SGCZ: variants seen among roughly 807,000 people sequenced by gnomAD.
SGCZ encodes the protein sarcoglycan zeta, also known as zeta-sarcoglycan.
Under a neutral mutation model 41.3 loss-of-function variants are expected in SGCZ, and 40 were observed. The observed-to-expected ratio is 0.97, with a 90% CI of 0.75 to 1.26. The LOEUF (loss-of-function observed/expected upper bound fraction) is 1.26. Ranked by LOEUF, SGCZ falls within the 50% of genes most tolerant of loss-of-function variation. The pLI is 0.00. For missense variants in SGCZ, 552 were observed against 369.8 expected (o/e 1.49, Z -4.04); for synonymous variants, 206 against 137.5 (o/e 1.50, Z -3.49).
At chr8:14,631,733 C>G (rs1806661792) in intron 1 of SGCZ, among the ~76,000 whole-genome samples, 1 of 152,052 alleles carries the variant, frequency 6.6e-6, no homozygotes, top group Non-Finnish European at 1.5e-5. Flanking sequence ...AGTATTATCT[C>G]ATATAAACAA....
intron 4 of SGCZ, among the ~76,000 whole-genome samples, chr8:14,222,534 T>C (rs13256202): frequency 0.12 from 17,774 of 151,938 alleles, 1,458 homozygotes; most frequent in African/African-American, 0.22. Flanking sequence ...TATAAATCAG[T>C]AAATCCTTCC....
intron 1 of SGCZ, among the ~76,000 whole-genome samples, chr8:14,582,038 C>A (rs1804907273): frequency 6.6e-6 from 1 of 152,100 alleles, no homozygotes; most frequent in African/African-American, 2.4e-5. Flanking sequence ...TCCTCCTCAG[C>A]CTACTCAACG....
chr8:14,777,182 T>C (rs2252460), intron 1 of SGCZ, among the ~76,000 whole-genome samples: 81,504 of 152,050 alleles, frequency 0.54, 24,418 homozygotes, highest in South Asian at 0.66. Flanking sequence ...AGTTAATCCA[T>C]CCTAAGAGAA....
At chr8:14,483,478 A>G (rs1194687182) in intron 2 of SGCZ, among the ~76,000 whole-genome samples, 3 of 152,196 alleles carry the variant, frequency 2.0e-5, no homozygotes, top group African/African-American at 7.2e-5. Flanking sequence ...AGCTGAAGCA[A>G]GAGGATTGCT....
intron 1 of SGCZ, among the ~76,000 whole-genome samples, chr8:14,862,025 A>C (rs1803766481): frequency 6.6e-6 from 1 of 152,144 alleles, no homozygotes; most frequent in Non-Finnish European, 1.5e-5. Context: ...GGAAAAAAAA[A>C]ATAGTCTGTA....
At chr8:14,519,964 A>G (rs567097952) in intron 2 of SGCZ, among the ~76,000 whole-genome samples, 2 of 152,254 alleles carry the variant, frequency 1.3e-5, no homozygotes, top group African/African-American at 4.8e-5. Flanking sequence ...AATTTATTCA[A>G]TAAGTGCTGA....
chr8:14,238,355 T>C (rs770471104), intron 3 of SGCZ, among the ~76,000 whole-genome samples: 4 of 152,156 alleles, frequency 2.6e-5, no homozygotes, highest in Non-Finnish European at 5.9e-5. Flanking sequence ...ACTGAGTAGA[T>C]AAAAAAATCT....
intron 2 of SGCZ, among the ~76,000 whole-genome samples, chr8:14,510,221 T>C (rs1467639959): frequency 6.6e-6 from 1 of 152,170 alleles, no homozygotes; most frequent in Non-Finnish European, 1.5e-5. Flanking sequence ...TTATTTAAAA[T>C]TGTTCTTTTA....
chr8:14,213,770 T>G (rs1805897709), intron 4 of SGCZ, among the ~76,000 whole-genome samples: 2 of 152,098 alleles, frequency 1.3e-5, no homozygotes, highest in South Asian at 4.1e-4. Flanking sequence ...TTGAAGATAT[T>G]TAAATATTTA....
intron 5 of SGCZ, among the ~76,000 whole-genome samples, chr8:14,147,648 C>G (rs184751885): frequency 1.1e-4 from 17 of 152,206 alleles, no homozygotes; most frequent in African/African-American, 4.1e-4. Context: ...AGCATTGGAC[C>G]TATCCTCGAG....
intron 4 of SGCZ, among the ~76,000 whole-genome samples, chr8:14,227,058 G>C (rs182444169): frequency 1.8e-3 from 278 of 152,144 alleles, no homozygotes; most frequent in Non-Finnish European, 3.1e-3. Flanking sequence ...GTAGCTCACA[G>C]GTTAGGTGAG....
intron 1 of SGCZ, among the ~76,000 whole-genome samples, chr8:14,756,476 C>A (rs975884979): frequency 6.6e-6 from 1 of 152,136 alleles, no homozygotes; most frequent in Non-Finnish European, 1.5e-5. Flanking sequence ...TGAGCCACCA[C>A]GCCCAGCGGG....
chr8:15,008,536 G>GAAGA (rs545991503), intron 1 of SGCZ, among the ~76,000 whole-genome samples: 29,043 of 72,198 alleles, frequency 0.4, 7,862 homozygotes, highest in Non-Finnish European at 0.45. Flanking sequence ...GGGAAGGAAG[G>GAAGA]AAGGAAGGGA....
At chr8:15,137,160 C>T (rs912885822) in intron 1 of SGCZ, among the ~76,000 whole-genome samples, 29 of 152,152 alleles carry the variant, frequency 1.9e-4, no homozygotes, top group Admixed American at 5.9e-4. Context: ...GCAAAGGTGA[C>T]TCTTACTATG....
intron 1 of SGCZ, among the ~76,000 whole-genome samples, chr8:14,596,524 T>C (rs866451884): frequency 7.9e-5 from 12 of 152,300 alleles, no homozygotes; most frequent in Middle Eastern, 3.4e-3. Flanking sequence ...TATAGAAATG[T>C]CTTAATAATA....
At chr8:14,156,724 A>G (rs888194504) in intron 5 of SGCZ, among the ~76,000 whole-genome samples, 1 of 152,144 alleles carries the variant, frequency 6.6e-6, no homozygotes, top group African/African-American at 2.4e-5. Context: ...TCTAAAAAAC[A>G]TTTTTGCTAA....
chr8:14,214,276 T>C (rs1385192923), intron 4 of SGCZ, among the ~76,000 whole-genome samples: 1 of 152,032 alleles, frequency 6.6e-6, no homozygotes, highest in Non-Finnish European at 1.5e-5. Context: ...GTCAAGGTCA[T>C]CAAAATCAAA....
chr8:14,781,947 C>G (rs1229084525), intron 1 of SGCZ, among the ~76,000 whole-genome samples: 1 of 152,120 alleles, frequency 6.6e-6, no homozygotes, highest in Non-Finnish European at 1.5e-5. Context: ...TTTCTATTGA[C>G]TATGTATTAC....
intron 1 of SGCZ, among the ~76,000 whole-genome samples, chr8:14,841,853 C>T (rs1045648817): frequency 1.3e-5 from 2 of 152,146 alleles, no homozygotes; most frequent in African/African-American, 4.8e-5. Flanking sequence ...TCACATCAAA[C>T]TGTTAATGAA....
Sources: gnomAD v4.1 joint callset for allele counts (sites outside exome capture counted in the v4.1 genomes callset) on GRCh38, gnomAD v4.1.1 for gene constraint, MANE v1.5 for transcripts, NCBI Gene and HGNC (gene_info 2026-07-23, HGNC 2026-07-21) for gene names.